The following SENP5 variants were observed in gnomAD, a reference collection of about 807,000 sequenced individuals.
SENP5 encodes sentrin-specific protease 5.
Under a neutral mutation model 74.2 loss-of-function variants are expected in SENP5, and 21 were observed. The ratio of observed to expected loss-of-function variants is 0.28; its 90% CI spans 0.20 to 0.41. The LOEUF (loss-of-function observed/expected upper bound fraction) is 0.41, where lower values mean the gene tolerates loss of function less well. Ranked by LOEUF, SENP5 falls within the 10% of genes least tolerant of loss-of-function variation. The pLI is 1.00. For missense variants in SENP5, 717 were observed against 889.1 expected (o/e 0.81, Z 2.46); for synonymous variants, 311 against 312.7 (o/e 0.99, Z 0.06).
intron 8 of SENP5, among the ~76,000 whole-genome samples, chr3:196,928,467 A>G (rs1715899269): frequency 6.6e-6 from 1 of 152,204 alleles, no homozygotes; most frequent in African/African-American, 2.4e-5. Flanking sequence ...ATTGGATCTC[A>G]TTTGATCCTT....
Position 196,934,149 on chromosome 3 carries a change from G to A in SENP5, c.*3226G>A, listed in dbSNP as rs1431738457. ...CCTCTTAAGAAAGGGAAAAAAAGGT[G>A]CTGCCAGTCATCCCCAAATTATGTT... is the stretch of plus-strand genomic sequence containing the variant. On this transcript the variant is annotated 3_prime_UTR_variant, in exon 10 of 10. Transcript: ENST00000323460. 1 of 152,170 alleles carries A rather than the reference G, an allele frequency of 6.6e-6. No individual in the cohort carries two copies. The highest frequency in any genetic ancestry group is 2.4e-5 in the African/African-American group (1 of 41,446). 9.4% of individuals were successfully genotyped at this position (152,170 alleles called of 1,614,324 possible). A position where few individuals can be genotyped will look rare whatever the true frequency, so the allele number is the denominator to read the frequency against.
chr3:196,921,934 C>T (rs1715634096), intron 6 of SENP5, among the ~76,000 whole-genome samples: 1 of 152,158 alleles, frequency 6.6e-6, no homozygotes, highest in African/African-American at 2.4e-5. Flanking sequence ...CACTCTTTTA[C>T]AAATGTATGT....
intron 5 of SENP5, among the ~76,000 whole-genome samples, chr3:196,900,648 T>C (rs2108836953): frequency 6.6e-6 from 1 of 152,264 alleles, no homozygotes; most frequent in Admixed American, 6.5e-5. Flanking sequence ...TGCAGTGGCG[T>C]GATCTCGGCT....
intron 6 of SENP5, among the ~76,000 whole-genome samples, chr3:196,913,612 A>G (rs1410904324): frequency 6.7e-6 from 1 of 150,020 alleles, no homozygotes; most frequent in African/African-American, 2.4e-5. Context: ...TGAACTCAGT[A>G]GAAGACTCAG....
chr3:196,910,150 A>G (rs1715061655), intron 6 of SENP5, among the ~76,000 whole-genome samples: 3 of 152,026 alleles, frequency 2.0e-5, no homozygotes, highest in South Asian at 2.1e-4. Context: ...CCCATTCACA[A>G]TTGCTACAAA....
rs1716180425 is a variant in SENP5 at position 196,934,704 on chromosome 3, G to A, written c.*3781G>A. 1.3e-5 allele frequency: 2 copies of A among 152,154 alleles called. No homozygotes were observed. Among genetic ancestry groups the A allele is most frequent in the African/African-American group, 4.8e-5 (2 of 41,442 alleles). 9.4% of individuals were successfully genotyped at this position (152,154 alleles called of 1,614,324 possible). ...TATTTTTTTGAAAAATAAACTAAAT[G>A]CCTTTATAAACTTGTGTTCTCTCGT... is the stretch of plus-strand genomic sequence containing the variant. On this transcript the variant is annotated 3_prime_UTR_variant, in exon 10 of 10. Coordinates refer to ENST00000323460, the MANE Select transcript of SENP5 (RefSeq NM_152699.5).
rs1277688163 is a variant in SENP5, at chr3:196,900,041, T to G, written c.1737T>G (p.Gly579=). Residue 579 remains glycine (G), a synonymous_variant, in exon 4 of 10, where the codon GGT becomes GGG. Coordinates refer to ENST00000323460, the MANE Select transcript of SENP5 (RefSeq NM_152699.5). ...TGGACGACCTGGCGACTCTGGATGGTCAGAACTGGCTGAATGACCAGGTTA... is the reference window on the plus strand; with the variant it reads ...TGGACGACCTGGCGACTCTGGATGGGCAGAACTGGCTGAATGACCAGGTTA... ...LDMDDLATLD[G]QNWLNDQVIN... The G allele has an allele frequency of 6.2e-7, 1 of 1,614,052 alleles. No homozygotes were observed. Among genetic ancestry groups the G allele is most frequent in the Non-Finnish European group, 8.5e-7 (1 of 1,179,992 alleles).
At chr3:196,898,830 T>G (rs897611942) in intron 2 of SENP5, among the ~76,000 whole-genome samples, 5 of 152,338 alleles carry the variant, frequency 3.3e-5, no homozygotes, top group Middle Eastern at 6.8e-3. Context: ...ATGATTGCAT[T>G]CAATTCATTC....
At position 196,885,648 on chromosome 3, in the gene SENP5, G is replaced by C. The variant is rs1300437215; in HGVS notation, c.467G>C (p.Arg156Thr). ...GCTTTAGGTCAGGCCAATGGTCACA[G>C]ACCTAGGACAGACCCACAACCTTCT... The part of the protein sequence containing the change: ...NSALGQANGH[R>T]PRTDPQPSDF... Residue 156 changes from arginine to threonine, a missense_variant, in exon 2 of 10, where the codon AGA becomes ACA. Physicochemically the swap from Arg to Thr is moderately conservative, Grantham distance 71. Transcript: ENST00000323460. The C allele has an allele frequency of 6.2e-7, 1 of 1,614,096 alleles. No homozygotes were observed. The highest frequency in any genetic ancestry group is 1.3e-5 in the African/African-American group (1 of 74,948).
chr3:196,929,911 T>C (rs1254798319), intron 9 of SENP5, among the ~76,000 whole-genome samples: 3 of 151,892 alleles, frequency 2.0e-5, no homozygotes, highest in Admixed American at 6.6e-5. Flanking sequence ...GTCATCCATG[T>C]CTCACTGGAG....
At chr3:196,903,501 A>G in intron 5 of SENP5, 32 bp from the exon 6 acceptor site, 1 of 1,444,228 alleles carries the variant, frequency 6.9e-7, no homozygotes, top group Non-Finnish European at 9.6e-7. Context: ...GCCTAATATA[A>G]TCTGGTTGCT....
chr3:196,875,472 T>C (rs1458387885), intron 1 of SENP5, among the ~76,000 whole-genome samples: 1 of 152,178 alleles, frequency 6.6e-6, no homozygotes, highest in Non-Finnish European at 1.5e-5. Context: ...ACACCAACCT[T>C]ATGTTAAGTG....
intron 2 of SENP5, 130 bp downstream of exon 2, chr3:196,886,824 G>A (rs2108819150): frequency 1.6e-6 from 1 of 632,324 alleles, no homozygotes; most frequent in Non-Finnish European, 2.6e-6. Context: ...TCTGCTTGAA[G>A]CCTTTTATAT....
intron 4 of SENP5, 45 bp downstream of exon 4, chr3:196,900,107 G>A: frequency 6.3e-7 from 1 of 1,580,198 alleles, no homozygotes; most frequent in Non-Finnish European, 8.6e-7. Flanking sequence ...TGCAGAGGAT[G>A]TTAGTCAATA....
At chr3:196,872,292 T>C (rs536565154) in intron 1 of SENP5, among the ~76,000 whole-genome samples, 19 of 152,282 alleles carry the variant, frequency 1.2e-4, no homozygotes, top group African/African-American at 4.6e-4. Context: ...GGGGCAGAAA[T>C]GTAAAGGAAA....
chr3:196,902,280 A>G (rs1001487276), intron 5 of SENP5, among the ~76,000 whole-genome samples: 16 of 152,152 alleles, frequency 1.1e-4, no homozygotes, highest in Non-Finnish European at 2.2e-4. Flanking sequence ...CTGTGCTACT[A>G]TACCCAGCTA....
At chr3:196,923,833 A>G (rs1715715157) in intron 7 of SENP5, among the ~76,000 whole-genome samples, 1 of 152,208 alleles carries the variant, frequency 6.6e-6, no homozygotes, top group Admixed American at 6.5e-5. Context: ...TTCTTTGATC[A>G]TCTTAGAGCT....
At chr3:196,894,589 G>T (rs1440937998) in intron 2 of SENP5, among the ~76,000 whole-genome samples, 1 of 150,982 alleles carries the variant, frequency 6.6e-6, no homozygotes, top group Non-Finnish European at 1.5e-5. Flanking sequence ...AAATTAGTTG[G>T]TAGTTCTAAT....
chr3:196,909,559 C>T (rs1484660982), intron 6 of SENP5, among the ~76,000 whole-genome samples: 3 of 152,156 alleles, frequency 2.0e-5, no homozygotes, highest in Admixed American at 2.0e-4. Context: ...AAAGCTTATC[C>T]ACCATGATCA....
Sources: allele counts gnomAD v4.1 joint callset (sites outside exome capture counted in the v4.1 genomes callset), GRCh38; gene constraint gnomAD v4.1.1; transcripts MANE v1.5; gene names NCBI Gene and HGNC (gene_info 2026-07-23, HGNC 2026-07-21).